The following RNFT2 variants were observed in gnomAD, a reference collection of about 807,000 sequenced individuals.
The protein encoded by RNFT2 is ring finger protein, transmembrane 2.
Under a neutral mutation model 53.0 loss-of-function variants are expected in RNFT2, and 36 were observed. The observed-to-expected ratio is 0.68, with a 90% CI of 0.52 to 0.90. RNFT2 has a LOEUF of 0.90. RNFT2 is among the 40% of genes least tolerant of loss of function. The probability of loss-of-function intolerance (pLI) is 0.00; values close to 1 mark genes in which losing one functional copy is unlikely to be tolerated. For synonymous variants in RNFT2, 260 were observed against 253.2 expected (o/e 1.03, Z -0.26); for missense variants, 514 against 585.6 (o/e 0.88, Z 1.26).
In RNFT2 at chr12:116,851,855, G is replaced by A. The variant is rs757721361; in HGVS notation, c.*2407G>A. Reference sequence around the variant, plus strand: ...TTACCCCTTGGTCTCCTGTCTTTATGTCTTTCTCCTCTTCCTATTCTGTCA... The same window carrying A: ...TTACCCCTTGGTCTCCTGTCTTTATATCTTTCTCCTCTTCCTATTCTGTCA... On this transcript the variant is annotated 3_prime_UTR_variant, in exon 11 of 11. Transcript: ENST00000257575. The A allele has an allele frequency of 7.3e-6, 11 of 1,510,644 alleles. No homozygotes were observed. The African/African-American group carries it at 1.4e-4, about 19-fold the overall frequency. 93.6% of individuals were successfully genotyped at this position (1,510,644 alleles called of 1,614,324 possible).
At chr12:116,848,810 G>C (rs1565878092) in intron 10 of RNFT2, among the ~76,000 whole-genome samples, 1 of 146,380 alleles carries the variant, frequency 6.8e-6, no homozygotes, top group African/African-American at 2.5e-5. Context: ...CCTGCTTTTT[G>C]TTTGTTTGTT....
At chr12:116,849,245 T>C (rs1877777302) in intron 10 of RNFT2, 69 bp from the exon 11 acceptor site, 1 of 1,349,934 alleles carries the variant, frequency 7.4e-7, no homozygotes, top group Admixed American at 2.1e-5. Context: ...CTGCCCCTTC[T>C]CCTGCTCCCG....
At chr12:116,819,095 C>T (rs1875849974) in intron 7 of RNFT2, among the ~76,000 whole-genome samples, 1 of 152,210 alleles carries the variant, frequency 6.6e-6, no homozygotes, top group Non-Finnish European at 1.5e-5. Context: ...CCACAACTTC[C>T]TTCACTCAGT....
chr12:116,848,587 C>G (rs1451077268), intron 10 of RNFT2, among the ~76,000 whole-genome samples: 1 of 152,130 alleles, frequency 6.6e-6, no homozygotes, highest in Non-Finnish European at 1.5e-5. Flanking sequence ...AACCCCAGCC[C>G]AGCTATCCTC....
chr12:116,748,993 CAGAAGACTATCTGACACGTAGTA>C (rs1872039267), intron 3 of RNFT2, among the ~76,000 whole-genome samples: 1 of 152,158 alleles, frequency 6.6e-6, no homozygotes, highest in African/African-American at 2.4e-5. Context: ...GCAAAACACT[CAGAAGACTATCTGACACGTAGTA>C]GGTTTCAATA....
At chr12:116,770,301 A>G (rs1002181726) in intron 6 of RNFT2, among the ~76,000 whole-genome samples, 3 of 152,194 alleles carry the variant, frequency 2.0e-5, no homozygotes, top group Admixed American at 6.5e-5. Flanking sequence ...AGTATTCAGT[A>G]CAGTAACAAG....
At chr12:116,771,458 G>A (rs1223710206) in intron 6 of RNFT2, among the ~76,000 whole-genome samples, 5 of 62,898 alleles carry the variant, frequency 7.9e-5, no homozygotes, top group Admixed American at 6.0e-4. Context: ...AGATCCTATC[G>A]TTAAAAAAAA....
At chr12:116,793,355 T>C (rs948693085) in intron 7 of RNFT2, among the ~76,000 whole-genome samples, 3 of 151,832 alleles carry the variant, frequency 2.0e-5, no homozygotes, top group Non-Finnish European at 4.4e-5. Context: ...CCCAGCTAAT[T>C]TTTAAAATTT....
Position 116,851,590 on chromosome 12 carries a change from A to G in RNFT2, c.*2142A>G. The G allele has an allele frequency of 1.7e-6, 1 of 597,058 alleles. No individual in the cohort carries two copies. The highest frequency in any genetic ancestry group is 2.8e-5 in the East Asian group (1 of 36,042). The allele number at this position is 597,058 out of a possible 1,614,324, so 37.0% of individuals were successfully genotyped here. ...CCCCTCTTTACTAAAAAATACAAAAATTAGCCGGGCGCGGTGGCGGGTGCC... is the reference window on the plus strand; with the variant it reads ...CCCCTCTTTACTAAAAAATACAAAAGTTAGCCGGGCGCGGTGGCGGGTGCC... On this transcript the variant is annotated 3_prime_UTR_variant, in exon 11 of 11. Coordinates refer to ENST00000257575, the MANE Select transcript of RNFT2 (RefSeq NM_001382266.1).
chr12:116,751,402 T>C (rs1872244676), intron 4 of RNFT2, among the ~76,000 whole-genome samples: 1 of 151,974 alleles, frequency 6.6e-6, no homozygotes, highest in South Asian at 2.1e-4. Context: ...TAGTATACTG[T>C]TTTCTGTTTG....
At chr12:116,803,516 C>A (rs1456799291) in intron 7 of RNFT2, among the ~76,000 whole-genome samples, 1 of 152,220 alleles carries the variant, frequency 6.6e-6, no homozygotes, top group Non-Finnish European at 1.5e-5. Flanking sequence ...ACCCCACTTA[C>A]ATCCACTGTA....
rs34116756 is a variant in RNFT2, at chr12:116,850,321, ATTT to A, written c.*886_*888del. 2.7e-5 allele frequency: 4 copies of A among 145,614 alleles called. No homozygotes were observed. Among genetic ancestry groups the A allele is most frequent in the Non-Finnish European group, 4.5e-5 (3 of 66,430 alleles). The allele number at this position is 145,614 out of a possible 1,614,324, so 9.0% of individuals were successfully genotyped here. ...AGGTGTGTGCCACCAGGCCTGGCTA[ATTT>A]TTTTTTTTTTTTAATTTTTAGTAGA... On this transcript the variant is annotated 3_prime_UTR_variant, in exon 11 of 11. Coordinates refer to ENST00000257575, the MANE Select transcript of RNFT2 (RefSeq NM_001382266.1).
chr12:116,834,410 C>T (rs111290164), intron 8 of RNFT2, among the ~76,000 whole-genome samples: 1,751 of 152,268 alleles, frequency 0.011, 31 homozygotes, highest in African/African-American at 0.039. Context: ...TGAGCCACCA[C>T]GCCCGGCCTC....
Position 116,850,358 on chromosome 12 carries a change from CTTA to C in RNFT2, c.*915_*917del, listed in dbSNP as rs1877860636. On this transcript the variant is annotated 3_prime_UTR_variant, in exon 11 of 11. Transcript: ENST00000257575. Reference sequence around the variant, plus strand: ...TTTTAATTTTTAGTAGAGGCGAGGACTTATTATGTTGTCCAGGGTGTTCTCAAA... The same window carrying C: ...TTTTAATTTTTAGTAGAGGCGAGGACTTATGTTGTCCAGGGTGTTCTCAAA... 6.7e-6 allele frequency: 1 copy of C among 149,268 alleles called. No homozygotes were observed. Among genetic ancestry groups the C allele is most frequent in the African/African-American group, 2.5e-5 (1 of 40,356 alleles). 9.2% of individuals were successfully genotyped at this position (149,268 alleles called of 1,614,324 possible).
intron 7 of RNFT2, among the ~76,000 whole-genome samples, chr12:116,832,268 G>A (rs1242191289): frequency 1.3e-5 from 2 of 150,560 alleles, no homozygotes; most frequent in Admixed American, 1.3e-4. Context: ...TATTATCTCA[G>A]ATTAGTGTTA....
At chr12:116,766,121 ATTT>A in intron 5 of RNFT2, among the ~76,000 whole-genome samples, 2 of 151,786 alleles carry the variant, frequency 1.3e-5, no homozygotes, top group South Asian at 2.1e-4. Context: ...AAAAATAAAA[ATTT>A]TTTTTTAATT....
Position 116,806,397 on chromosome 12 carries a change from T to TATAG in RNFT2, c.882+27080_882+27083dup, listed in dbSNP as rs71095599. ...AAAAAAAAAAATATATATATATATA[T>TATAG]ATAGATAGATAGATAGATAGATAGA... On this transcript the variant is annotated intron_variant, in intron 7 of 10. Coordinates refer to ENST00000257575, the MANE Select transcript of RNFT2 (RefSeq NM_001382266.1). Among the ~76,000 whole-genome samples, 798 of 131,580 alleles carry TATAG rather than the reference T, an allele frequency of 6.1e-3. 14 individuals carry two copies. Among genetic ancestry groups the TATAG allele is most frequent in the African/African-American group, 0.02 (672 of 33,372 alleles). 86.3% of individuals were successfully genotyped at this position (131,580 alleles called of 152,430 possible).
At chr12:116,845,942 C>T (rs1183139329) in intron 10 of RNFT2, among the ~76,000 whole-genome samples, 1 of 152,128 alleles carries the variant, frequency 6.6e-6, no homozygotes, top group Non-Finnish European at 1.5e-5. Context: ...TCTCTTCTGC[C>T]CAGTTAACTG....
chr12:116,830,941 A>G (rs1190042712), intron 7 of RNFT2, among the ~76,000 whole-genome samples: 1 of 151,814 alleles, frequency 6.6e-6, no homozygotes, highest in Non-Finnish European at 1.5e-5. Context: ...GAAAGAGAGT[A>G]TAGGATTGAA....
Sources: allele counts gnomAD v4.1 joint callset (sites outside exome capture counted in the v4.1 genomes callset), GRCh38; gene constraint gnomAD v4.1.1; transcripts MANE v1.5; gene names NCBI Gene and HGNC (gene_info 2026-07-23, HGNC 2026-07-21).